The following SNTG1 variants were observed in gnomAD, a reference collection of about 807,000 sequenced individuals.
SNTG1 encodes syntrophin gamma 1.
A neutral mutation model predicts 74.7 loss-of-function variants in SNTG1; 39 were observed. The observed-to-expected ratio is 0.52, with a 90% CI of 0.40 to 0.68. SNTG1 has a LOEUF of 0.68. Among genes scored for constraint, SNTG1 ranks in the 30% least tolerant of loss-of-function variants. SNTG1 has a pLI of 0.00. For missense variants in SNTG1, 685 were observed against 609.5 expected, an observed-to-expected ratio of 1.12 and a Z score of -1.30; for synonymous variants, 254 against 217.1, an observed-to-expected ratio of 1.17 and a Z score of -1.49.
intron 11 of SNTG1, among the ~76,000 whole-genome samples, chr8:50,542,210 G>C (rs2094353422): frequency 1.4e-5 from 2 of 147,942 alleles, no homozygotes; most frequent in African/African-American, 2.5e-5. Flanking sequence ...AAGCTGGAGT[G>C]CAATGGTGTG....
intron 5 of SNTG1, among the ~76,000 whole-genome samples, chr8:50,440,248 G>A (rs2093346166): frequency 6.6e-6 from 1 of 151,898 alleles, no homozygotes; most frequent in South Asian, 2.1e-4. Flanking sequence ...ACTCTGACAA[G>A]AAATACAAAC....
chr8:49,979,415 G>A (rs901248197), intron 1 of SNTG1, among the ~76,000 whole-genome samples: 3 of 152,220 alleles, frequency 2.0e-5, no homozygotes, highest in African/African-American at 4.8e-5. Flanking sequence ...CAAAGTGTGT[G>A]GCTTTAAGTC....
intron 13 of SNTG1, among the ~76,000 whole-genome samples, chr8:50,614,747 A>T (rs2094874937): frequency 6.6e-6 from 1 of 152,158 alleles, no homozygotes. Context: ...AATTTCAAAA[A>T]ATAAAATTTA....
chr8:50,455,592 T>C (rs1262078807), intron 8 of SNTG1, among the ~76,000 whole-genome samples: 1 of 152,230 alleles, frequency 6.6e-6, no homozygotes, highest in Non-Finnish European at 1.5e-5. Flanking sequence ...AGCATTTTGC[T>C]TGTTATGATA....
intron 17 of SNTG1, among the ~76,000 whole-genome samples, chr8:50,724,440 A>G (rs544038661): frequency 2.2e-4 from 34 of 152,180 alleles, no homozygotes; most frequent in Non-Finnish European, 4.3e-4. Context: ...GATAATAAAT[A>G]ATTATTAGCT....
intron 18 of SNTG1, among the ~76,000 whole-genome samples, chr8:50,764,207 G>C (rs2095607657): frequency 6.6e-6 from 1 of 151,796 alleles, no homozygotes; most frequent in Non-Finnish European, 1.5e-5. Flanking sequence ...TCTGGGCAAT[G>C]ACTTTTTGGA....
At chr8:50,367,368 A>G (rs2092143788) in intron 2 of SNTG1, among the ~76,000 whole-genome samples, 1 of 152,136 alleles carries the variant, frequency 6.6e-6, no homozygotes, top group South Asian at 2.1e-4. Flanking sequence ...CAGTAAAATT[A>G]GCTAACACCA....
chr8:50,045,244 A>G lies in SNTG1; in HGVS notation c.-102-127317A>G, dbSNP rs76206457. Among the ~76,000 whole-genome samples the G allele has an allele frequency of 4.0e-3, 615 of 152,282 alleles. 6 individuals are homozygous for G. The highest frequency in any genetic ancestry group is 0.014 in the African/African-American group (586 of 41,552). ...AATATATATAAAGAAAGGAGGTTTAATTGGCTCATTTTTTCTGCAGGTTGT... is the reference window on the plus strand; with the variant it reads ...AATATATATAAAGAAAGGAGGTTTAGTTGGCTCATTTTTTCTGCAGGTTGT... On this transcript the variant is annotated intron_variant, in intron 1 of 18. Coordinates refer to ENST00000642720, the MANE Select transcript of SNTG1 (RefSeq NM_018967.5).
intron 15 of SNTG1, among the ~76,000 whole-genome samples, chr8:50,684,633 C>A (rs1366183721): frequency 6.6e-6 from 1 of 151,458 alleles, no homozygotes; most frequent in African/African-American, 2.4e-5. Flanking sequence ...TTACATTCTA[C>A]ATATGATCTA....
intron 1 of SNTG1, among the ~76,000 whole-genome samples, chr8:50,109,545 T>A (rs538678003): frequency 1.2e-4 from 19 of 152,296 alleles, no homozygotes; most frequent in African/African-American, 4.6e-4. Flanking sequence ...TAGCAAATGT[T>A]CATATGATAT....
chr8:50,262,054 G>C (rs940502235), intron 2 of SNTG1, among the ~76,000 whole-genome samples: 1 of 151,952 alleles, frequency 6.6e-6, no homozygotes, highest in South Asian at 2.1e-4. Context: ...ATAACATAAA[G>C]GTAGCTGGAA....
In SNTG1 at chr8:50,597,592, A is replaced by C. The variant is rs552822014; in HGVS notation, c.849+6675A>C. Among the ~76,000 whole-genome samples the C allele has an allele frequency of 2.6e-5, 4 of 151,952 alleles. No individual in the cohort carries two copies. In the East Asian group the frequency reaches 7.8e-4, roughly 29 times the overall value. On this transcript the variant is annotated intron_variant, in intron 13 of 18. Transcript: ENST00000642720. ...ATACTCAGTAATGGATTGCTGGATC[A>C]TGTGGTAATTCAATTTTGATTTTTT...
chr8:50,057,545 A>C (rs1189404066), intron 1 of SNTG1, among the ~76,000 whole-genome samples: 2 of 152,172 alleles, frequency 1.3e-5, no homozygotes, highest in Non-Finnish European at 2.9e-5. Context: ...ACCTGGGAAA[A>C]TTACATAATC....
chr8:50,271,437 A>G (rs905926167), intron 2 of SNTG1, among the ~76,000 whole-genome samples: 8 of 152,170 alleles, frequency 5.3e-5, no homozygotes, highest in South Asian at 4.1e-4. Context: ...TGGCATCTGC[A>G]TAAAGTCTGA....
intron 2 of SNTG1, among the ~76,000 whole-genome samples, chr8:50,231,629 G>T (rs1045717705): frequency 2.6e-5 from 4 of 151,308 alleles, no homozygotes; most frequent in African/African-American, 9.7e-5. Flanking sequence ...AAACAAGAAA[G>T]ACTGATTCCA....
At chr8:50,307,177 C>A (rs890439194) in intron 2 of SNTG1, among the ~76,000 whole-genome samples, 7 of 151,992 alleles carry the variant, frequency 4.6e-5, no homozygotes, top group Admixed American at 3.9e-4. Context: ...ATAGTTCTGA[C>A]GACCAAGGTG....
At chr8:50,296,112 C>G (rs148164357) in intron 2 of SNTG1, among the ~76,000 whole-genome samples, 41 of 152,162 alleles carry the variant, frequency 2.7e-4, no homozygotes, top group African/African-American at 9.4e-4. Context: ...ATGGAGAACA[C>G]CATGTTCTGC....
chr8:49,988,625 A>T (rs13274620), intron 1 of SNTG1, among the ~76,000 whole-genome samples: 1 of 152,170 alleles, frequency 6.6e-6, no homozygotes, highest in Non-Finnish European at 1.5e-5. Flanking sequence ...AATCTGAAGA[A>T]CAGAGAAAAA....
intron 8 of SNTG1, among the ~76,000 whole-genome samples, chr8:50,487,697 G>GC (rs1012179372): frequency 0.011 from 273 of 25,030 alleles, 1 homozygote; most frequent in African/African-American, 0.015. Flanking sequence ...TGGGGTCGGA[G>GC]GGGGGGGAGG....
Sources: allele counts gnomAD v4.1 joint callset (sites outside exome capture counted in the v4.1 genomes callset), GRCh38; gene constraint gnomAD v4.1.1; transcripts MANE v1.5; gene names NCBI Gene and HGNC (gene_info 2026-07-23, HGNC 2026-07-21).